The following CAD variants were observed in gnomAD, a reference collection of about 807,000 sequenced individuals.
CAD encodes carbamoyl-phosphate synthetase 2, aspartate transcarbamylase, and dihydroorotase, also known as multifunctional protein CAD.
CAD carries 81 observed loss-of-function variants against 237.2 expected under a neutral mutation model. The ratio of observed to expected loss-of-function variants is 0.34; its 90% CI spans 0.29 to 0.41. The LOEUF (loss-of-function observed/expected upper bound fraction) is 0.41, where lower values mean the gene tolerates loss of function less well. Among genes scored for constraint, CAD ranks in the 10% least tolerant of loss-of-function variants. The pLI, the probability that CAD is intolerant of heterozygous loss-of-function variation, is 1.00. For synonymous variants in CAD, 1,196 were observed against 1,162.8 expected (o/e 1.03, Z -0.58); for missense variants, 2,181 against 2,951.7 (o/e 0.74, Z 6.05).
Position 27,236,916 on chromosome 2 carries a change from C to G in CAD, c.4396+86C>G, listed in dbSNP as rs1572446043. The stretch of plus-strand genomic sequence containing the variant: ...AGTGTGGTGAAGGATGGCTGGGGGG[C>G]CCACTCTTTGTCCTGGACTGCACAG... On this transcript the variant is annotated intron_variant, in intron 27 of 43. Transcript: ENST00000264705. The surrounding 1 kb of genome is among the most constrained non-coding windows in gnomAD (Gnocchi z 4.1). 1 of 1,112,540 alleles carries G rather than the reference C, an allele frequency of 9.0e-7. No homozygotes were observed. Among genetic ancestry groups the G allele is most frequent in the Non-Finnish European group, 1.4e-6 (1 of 723,332 alleles). The allele number at this position is 1,112,540 out of a possible 1,614,324, so 68.9% of individuals were successfully genotyped here. A position where few individuals can be genotyped will look rare whatever the true frequency, so the allele number is the denominator to read the frequency against.
At position 27,224,533 on chromosome 2, in the gene CAD, A is replaced by T. The variant is rs1675336151; in HGVS notation, c.1254+43A>T. The stretch of plus-strand genomic sequence containing the variant: ...CCACCCTTCTGGGCGTGTGACCCTC[A>T]AGAATGGAAAGGGTCTTAAGGAGAA... On this transcript the variant is annotated intron_variant, in intron 9 of 43. Transcript: ENST00000264705. 3.1e-6 allele frequency: 5 copies of T among 1,601,978 alleles called. No homozygotes were observed. The East Asian group carries it at 1.1e-4, about 36-fold the overall frequency.
chr2:27,234,302 C>G (rs1675900782), intron 22 of CAD, 76 bp downstream of exon 22: 23 of 1,370,468 alleles, frequency 1.7e-5, no homozygotes, highest in African/African-American at 2.9e-5. Context: ...CCATGAAGCC[C>G]TGCACTGTCT....
At chr2:27,224,133 T>C (rs1379673802) in intron 8 of CAD, 104 bp downstream of exon 8, 3 of 966,504 alleles carry the variant, frequency 3.1e-6, no homozygotes, top group African/African-American at 3.2e-5. Context: ...GTCTAGGAGG[T>C]TAAGGGTATT....
At chr2:27,222,682 AG>A (rs1675234574) in intron 5 of CAD, 22 bp downstream of exon 5, 1 of 1,606,112 alleles carries the variant, frequency 6.2e-7, no homozygotes, top group East Asian at 2.2e-5. Flanking sequence ...GGGCCTGTTC[AG>A]GGCCTCAGAC....
chr2:27,219,658 T>G (rs1047295511), intron 2 of CAD, among the ~76,000 whole-genome samples: 4 of 152,106 alleles, frequency 2.6e-5, no homozygotes, highest in Admixed American at 6.6e-5. Context: ...TGGGCAACCT[T>G]GGCTCACTGC....
Position 27,233,349 on chromosome 2 carries a change from G to A in CAD, c.3029G>A (p.Gly1010Asp). The A allele has an allele frequency of 6.2e-7, 1 of 1,614,222 alleles. No homozygotes were observed. Among genetic ancestry groups the A allele is most frequent in the Non-Finnish European group, 8.5e-7 (1 of 1,180,038 alleles). Residue 1010 changes from glycine (G) to aspartate (D), a missense_variant, in exon 20 of 44, where the codon GGT (glycine) becomes GAT (aspartate). This residue lies in a region of CAD where 385 missense variants were observed against 535.1 expected (regional missense o/e 0.72). Coordinates refer to ENST00000264705, the MANE Select transcript of CAD (RefSeq NM_004341.5). The surrounding 1 kb of genome is among the most constrained non-coding windows in gnomAD (Gnocchi z 6.3). Reference sequence around the variant, plus strand: ...ATCTATGAGCTCGAGAACCCTGAAGGTGTGATCCTATCCATGGGTGGACAG... The same window carrying A: ...ATCTATGAGCTCGAGAACCCTGAAGATGTGATCCTATCCATGGGTGGACAG... ...MDIYELENPE[G>D]VILSMGGQLP...
rs772610849 is a variant in CAD, at chr2:27,236,324, G to T, written c.4115G>T (p.Gly1372Val). 1 of 1,614,048 alleles carries T rather than the reference G, an allele frequency of 6.2e-7. No individual in the cohort carries two copies. The highest frequency in any genetic ancestry group is 8.5e-7 in the Non-Finnish European group (1 of 1,180,032). The change falls in exon 26 of 44, where the codon GGT (glycine) becomes GTT (valine). Residue 1372 changes from glycine (G) to valine (V), a missense_variant. Gly to Val is a moderately radical substitution (Grantham distance 109). This residue lies in a region of CAD where 306 missense variants were observed against 607.9 expected (regional missense o/e 0.50). Transcript: ENST00000264705. The surrounding 1 kb of genome is among the most constrained non-coding windows in gnomAD (Gnocchi z 4.1). ...VDWHFEEAVDGECPPQRSILE... is the reference protein window; with the variant it reads ...VDWHFEEAVDVECPPQRSILE... Reference sequence around the variant, plus strand: ...TGGCACTTTGAGGAGGCTGTGGATGGTGAGTGCCCACCACAGCGGAGCATC... The same window carrying T: ...TGGCACTTTGAGGAGGCTGTGGATGTTGAGTGCCCACCACAGCGGAGCATC...
At position 27,241,544 on chromosome 2, in the gene CAD, TC is replaced by T. The variant is rs1190419223; in HGVS notation, c.5883+153del. On this transcript the variant is annotated intron_variant, in intron 38 of 43. Transcript: ENST00000264705. This position sits in a 1 kb window ranked among gnomAD's most constrained non-coding sequence, Gnocchi z 4.6. ...TCCATCCCTCTGCTGCTGTAGATCT[TC>T]CCCCACGTTTTCCCTCCCCAAAGCA... 2.5e-6 allele frequency: 2 copies of T among 806,718 alleles called. No homozygotes were observed. Among genetic ancestry groups the T allele is most frequent in the East Asian group, 5.0e-5 (2 of 39,920 alleles). 50.0% of individuals were successfully genotyped at this position (806,718 alleles called of 1,614,324 possible).
Position 27,239,862 on chromosome 2 carries a change from A to G in CAD, c.5496+64A>G. The G allele has an allele frequency of 8.5e-7, 1 of 1,174,362 alleles. No homozygotes were observed. The highest frequency in any genetic ancestry group is 1.2e-6 in the Non-Finnish European group (1 of 834,486). 72.7% of individuals were successfully genotyped at this position (1,174,362 alleles called of 1,614,324 possible). A position where few individuals can be genotyped will look rare whatever the true frequency, so the allele number is the denominator to read the frequency against. Reference sequence around the variant, plus strand: ...GTCTCAGGGCAGGATGAACAGCTTGAACATTTTCATTGGTGGTTCAGGAAC... The same window carrying G: ...GTCTCAGGGCAGGATGAACAGCTTGGACATTTTCATTGGTGGTTCAGGAAC... On this transcript the variant is annotated intron_variant, in intron 34 of 43. Transcript: ENST00000264705. This position sits in a 1 kb window ranked among gnomAD's most constrained non-coding sequence, Gnocchi z 4.0.
intron 6 of CAD, 75 bp downstream of exon 6, chr2:27,223,112 G>A: frequency 6.7e-7 from 1 of 1,489,268 alleles, no homozygotes; most frequent in Non-Finnish European, 9.3e-7. Context: ...TGAGAAGAGA[G>A]TTGGTGTTTA....
In CAD at chr2:27,235,970, A is replaced by G; in HGVS notation, c.4075-314A>G. Reference sequence around the variant, plus strand: ...ATTCCATGCAGAAAGCAGAATACACAGGAAGCAAAGAGAAAAGTCTCTTAA... The same window carrying G: ...ATTCCATGCAGAAAGCAGAATACACGGGAAGCAAAGAGAAAAGTCTCTTAA... On this transcript the variant is annotated intron_variant, in intron 25 of 43. Coordinates refer to ENST00000264705, the MANE Select transcript of CAD (RefSeq NM_004341.5). This position sits in a 1 kb window ranked among gnomAD's most constrained non-coding sequence, Gnocchi z 5.2. 2.0e-6 allele frequency: 1 copy of G among 491,482 alleles called. No individual in the cohort carries two copies. The highest frequency in any genetic ancestry group is 3.6e-6 in the Non-Finnish European group (1 of 276,922). The allele number at this position is 491,482 out of a possible 1,614,324, so 30.4% of individuals were successfully genotyped here. A position where few individuals can be genotyped will look rare whatever the true frequency, so the allele number is the denominator to read the frequency against.
In CAD at chr2:27,235,578, C is replaced by T; in HGVS notation, c.4012C>T (p.Leu1338=). The change falls in exon 25 of 44, where the codon CTG becomes TTG. Residue 1338 remains leucine (L), a synonymous_variant. Coordinates refer to ENST00000264705, the MANE Select transcript of CAD (RefSeq NM_004341.5). The surrounding 1 kb of genome is among the most constrained non-coding windows in gnomAD (Gnocchi z 5.2). ...CCCAACTGTGCGGCTACTGGAGAGCCTGGGCTACAGCCTCTATGCCAGTCT... is the reference window on the plus strand; with the variant it reads ...CCCAACTGTGCGGCTACTGGAGAGCTTGGGCTACAGCCTCTATGCCAGTCT... The part of the protein sequence containing the change: ...LLPTVRLLES[L]GYSLYASLGT... 6.2e-7 allele frequency: 1 copy of T among 1,614,198 alleles called. No homozygotes were observed. Among genetic ancestry groups the T allele is most frequent in the Non-Finnish European group, 8.5e-7 (1 of 1,180,034 alleles).
chr2:27,222,610 G>C lies in CAD; in HGVS notation c.587G>C (p.Arg196Pro). The C allele has an allele frequency of 6.2e-7, 1 of 1,614,128 alleles. No individual in the cohort carries two copies. The highest frequency in any genetic ancestry group is 8.5e-7 in the Non-Finnish European group (1 of 1,180,018). ...KYNQIRCLCQ[R>P]GAEVTVVPWD... is the part of the protein sequence containing the mutation. Reference sequence around the variant, plus strand: ...AATCAGATCCGATGCCTCTGCCAGCGTGGGGCTGAGGTCACTGTGGTACCC... The same window carrying C: ...AATCAGATCCGATGCCTCTGCCAGCCTGGGGCTGAGGTCACTGTGGTACCC... Residue 196 changes from arginine to proline, a missense_variant, in exon 5 of 44, where the codon CGT (arginine) becomes CCT (proline). By Grantham distance (103) the Arg-to-Pro change is moderately radical. Around this residue, in one of 12 missense-constraint regions of CAD, gnomAD observed 314 missense variants for 339.4 expected, o/e 0.93. Coordinates refer to ENST00000264705, the MANE Select transcript of CAD (RefSeq NM_004341.5).
rs548806819 is a variant in CAD, at chr2:27,226,273, T to C, written c.1985T>C (p.Val662Ala). The change falls in exon 13 of 44, where the codon GTT becomes GCT. Residue 662 changes from valine to alanine, a missense_variant. Around this residue, in one of 12 missense-constraint regions of CAD, gnomAD observed 385 missense variants for 535.1 expected, o/e 0.72. Coordinates refer to ENST00000264705, the MANE Select transcript of CAD (RefSeq NM_004341.5). ...AIKVTQHLGI[V>A]GECNVQYALN... Reference sequence around the variant, plus strand: ...AAGGTGACCCAGCACCTGGGAATTGTTGGGGAGTGCAATGTGCAGTATGCC... The same window carrying C: ...AAGGTGACCCAGCACCTGGGAATTGCTGGGGAGTGCAATGTGCAGTATGCC... The C allele has an allele frequency of 3.1e-6, 5 of 1,614,200 alleles. No individual in the cohort carries two copies. The highest frequency in any genetic ancestry group is 1.3e-5 in the African/African-American group (1 of 75,044).
Position 27,225,730 on chromosome 2 carries a change from G to C in CAD, c.1646G>C (p.Gly549Ala). Reference protein sequence around the residue: ...EQAQAAAERLGYPVLVRAAFA... With the variant: ...EQAQAAAERLAYPVLVRAAFA... ...GCCCAGGCAGCCGCTGAACGGCTGGGGTACCCTGTGCTAGTGCGTGCAGCC... is the reference window on the plus strand; with the variant it reads ...GCCCAGGCAGCCGCTGAACGGCTGGCGTACCCTGTGCTAGTGCGTGCAGCC... Residue 549 changes from glycine (G) to alanine (A), a missense_variant, in exon 12 of 44, where the codon GGG becomes GCG. Physicochemically the swap from Gly to Ala is moderately conservative, Grantham distance 60 (BLOSUM62 0). This residue lies in a region of CAD where 174 missense variants were observed against 215.8 expected (regional missense o/e 0.81). Coordinates refer to ENST00000264705, the MANE Select transcript of CAD (RefSeq NM_004341.5). 6.2e-7 allele frequency: 1 copy of C among 1,614,118 alleles called. No individual in the cohort carries two copies. The highest frequency in any genetic ancestry group is 8.5e-7 in the Non-Finnish European group (1 of 1,179,992).
intron 23 of CAD, among the ~76,000 whole-genome samples, chr2:27,234,902 G>A (rs960292300): frequency 4.6e-5 from 7 of 152,192 alleles, no homozygotes; most frequent in South Asian, 4.1e-4. Flanking sequence ...AGAACAGTCC[G>A]TGGTAAAACT....
chr2:27,242,673 C>T lies in CAD; in HGVS notation c.6276C>T (p.Cys2092=). 1 of 1,613,506 alleles carries T rather than the reference C, an allele frequency of 6.2e-7. No homozygotes were observed. Among genetic ancestry groups the T allele is most frequent in the East Asian group, 2.2e-5 (1 of 44,864 alleles). ...GACGCACAGTACATTCCCTGGCCTG[C>T]CTGCTCACCCAGTATCGTGTCAGCC... ...KHGRTVHSLA[C]LLTQYRVSLR... The change falls in exon 41 of 44, where the codon TGC becomes TGT. Residue 2092 remains cysteine (C), a synonymous_variant. Coordinates refer to ENST00000264705, the MANE Select transcript of CAD (RefSeq NM_004341.5). This position sits in a 1 kb window ranked among gnomAD's most constrained non-coding sequence, Gnocchi z 6.4.
intron 3 of CAD, 93 bp from the exon 4 acceptor site, chr2:27,222,101 T>G: frequency 1.6e-6 from 2 of 1,275,438 alleles, no homozygotes; most frequent in Non-Finnish European, 2.2e-6. Context: ...TGTGTGTGAC[T>G]GGGGCTCTGG....
At position 27,232,471 on chromosome 2, in the gene CAD, T is replaced by A; in HGVS notation, c.2669T>A (p.Leu890Gln). 6.2e-7 allele frequency: 1 copy of A among 1,614,238 alleles called. No homozygotes were observed. Among genetic ancestry groups the A allele is most frequent in the Non-Finnish European group, 8.5e-7 (1 of 1,180,044 alleles). ...VLSTELAVRK[L>Q]RQELGICPAV... ...AGCACAGAGCTGGCTGTTCGCAAGC[T>A]GCGTCAGGAACTGGGGATCTGTCCA... Residue 890 changes from leucine (L) to glutamine (Q), a missense_variant, in exon 18 of 44, where the codon CTG becomes CAG. By Grantham distance (113) the Leu-to-Gln change is moderately radical (BLOSUM62 -2). Around this residue, in one of 12 missense-constraint regions of CAD, gnomAD observed 385 missense variants for 535.1 expected, o/e 0.72. Coordinates refer to ENST00000264705, the MANE Select transcript of CAD (RefSeq NM_004341.5). This position sits in a 1 kb window ranked among gnomAD's most constrained non-coding sequence, Gnocchi z 4.1.
Sources: gnomAD v4.1 joint callset for allele counts (sites outside exome capture counted in the v4.1 genomes callset) on GRCh38, gnomAD v4.1.1 for gene constraint, gnomAD v4.1.1 regional missense constraint, Gnocchi (gnomAD v3.1) non-coding constraint, MANE v1.5 for transcripts, NCBI Gene and HGNC (gene_info 2026-07-23, HGNC 2026-07-21) for gene names.